PPIF: variants seen among roughly 807,000 people sequenced by gnomAD.
The protein encoded by PPIF is peptidyl-prolyl cis-trans isomerase F, mitochondrial.
PPIF carries 23 observed loss-of-function variants against 20.2 expected under a neutral mutation model. That is an observed-to-expected ratio of 1.14 (90% CI 0.82 to 1.61). PPIF has a LOEUF of 1.61. PPIF is among the 40% of genes most tolerant of loss of function. The pLI, the probability that PPIF is intolerant of heterozygous loss-of-function variation, is 0.00. For missense variants in PPIF, 287 were observed against 291.6 expected (o/e 0.98, Z 0.11); for synonymous variants, 113 against 123.1 (o/e 0.92, Z 0.54).
intron 3 of PPIF, 26 bp downstream of exon 3, chr10:79,349,779 G>A (rs2233720): frequency 1.1e-5 from 18 of 1,613,540 alleles, no homozygotes; most frequent in Non-Finnish European, 1.5e-5. Context: ...CTTCTGTAAG[G>A]GGGGATGAGA....
intron 1 of PPIF, among the ~76,000 whole-genome samples, 200 bp downstream of exon 1, chr10:79,347,943 A>G (rs1246891974): frequency 6.6e-6 from 1 of 151,734 alleles, no homozygotes; most frequent in Non-Finnish European, 1.5e-5. Context: ...AGCGGGGGAG[A>G]CGGGAGGGAG....
Position 79,353,773 on chromosome 10 carries a change from A to C in PPIF, c.555A>C (p.Glu185Asp). The C allele has an allele frequency of 6.2e-7, 1 of 1,614,246 alleles. No individual in the cohort carries two copies. Among genetic ancestry groups the C allele is most frequent in the Non-Finnish European group, 8.5e-7 (1 of 1,180,048 alleles). The change falls in exon 6 of 6, where the codon GAA becomes GAC. Residue 185 changes from glutamate (E) to aspartate (D), a missense_variant. Glu to Asp is a conservative substitution (Grantham distance 45). Transcript: ENST00000225174. ...GCATGGACGTCGTGAAGAAAATAGA[A>C]TCTTTCGGCTCTAAGAGTGGGAGGA... is the stretch of plus-strand genomic sequence containing the variant. ...KEGMDVVKKIESFGSKSGRTS... is the reference protein window; with the variant it reads ...KEGMDVVKKIDSFGSKSGRTS...
At chr10:79,350,950 T>C (rs1419146026) in intron 3 of PPIF, among the ~76,000 whole-genome samples, 2 of 152,226 alleles carry the variant, frequency 1.3e-5, no homozygotes, top group Non-Finnish European at 2.9e-5. Context: ...TGCCTGGGCC[T>C]TAGCTGAGGC....
rs1447987706 is a variant in PPIF, at chr10:79,353,937, G to A, written c.*95G>A. 18 of 1,339,500 alleles carry A rather than the reference G, an allele frequency of 1.3e-5. 1 individual carries two copies. In the Admixed American group the frequency reaches 2.0e-4, roughly 15 times the overall value. 83.0% of individuals were successfully genotyped at this position (1,339,500 alleles called of 1,614,324 possible). A position where few individuals can be genotyped will look rare whatever the true frequency, so the allele number is the denominator to read the frequency against. On this transcript the variant is annotated 3_prime_UTR_variant, in exon 6 of 6. Coordinates refer to ENST00000225174, the MANE Select transcript of PPIF (RefSeq NM_005729.4). ...TCAGCCAAGGTGCCTGAAACGATAC[G>A]TGTGCCCACTCCACTGTCACAGTGT...
chr10:79,353,631 A>T, intron 5 of PPIF, 76 bp from the exon 6 acceptor site: 1 of 1,609,776 alleles, frequency 6.2e-7, no homozygotes, highest in South Asian at 1.1e-5. Context: ...TTCGGTAACT[A>T]ATTCCATGAC....
chr10:79,353,028 C>G (rs1589647542), intron 5 of PPIF, among the ~76,000 whole-genome samples: 2 of 152,360 alleles, frequency 1.3e-5, no homozygotes, highest in East Asian at 3.9e-4. Flanking sequence ...TGGCTGGGAG[C>G]TGACTTGGTA....
At chr10:79,350,561 C>T (rs997266914) in intron 3 of PPIF, among the ~76,000 whole-genome samples, 2 of 152,188 alleles carry the variant, frequency 1.3e-5, no homozygotes, top group Non-Finnish European at 2.9e-5. Flanking sequence ...CGTCTATGTG[C>T]GGCGAAGCCT....
chr10:79,351,318 T>G (rs1376940731), intron 3 of PPIF, among the ~76,000 whole-genome samples, 169 bp from the exon 4 acceptor site: 1 of 151,950 alleles, frequency 6.6e-6, no homozygotes, highest in Non-Finnish European at 1.5e-5. Flanking sequence ...TTTTTTTTTT[T>G]GCTTATTATT....
chr10:79,348,923 C>T (rs1855938617), intron 1 of PPIF, among the ~76,000 whole-genome samples, 153 bp from the exon 2 acceptor site: 1 of 152,240 alleles, frequency 6.6e-6, no homozygotes, highest in Non-Finnish European at 1.5e-5. Context: ...AGAGCTGCCT[C>T]CCATGGGGGT....
intron 5 of PPIF, 97 bp from the exon 6 acceptor site, chr10:79,353,610 G>A: frequency 6.3e-7 from 1 of 1,598,374 alleles, no homozygotes; most frequent in Non-Finnish European, 8.6e-7. Flanking sequence ...ATTCTTTTCA[G>A]AATTGCTGTT....
chr10:79,349,257 C>A (rs749525482), intron 2 of PPIF, 151 bp downstream of exon 2: 7 of 1,555,534 alleles, frequency 4.5e-6, no homozygotes, highest in Middle Eastern at 2.1e-4. Context: ...TGCTCTGGGG[C>A]AGCCCTGCCA....
At chr10:79,349,909 C>A in intron 3 of PPIF, 156 bp downstream of exon 3, 3 of 1,443,604 alleles carry the variant, frequency 2.1e-6, no homozygotes, top group Non-Finnish European at 2.8e-6. Context: ...ATCCAGGCTT[C>A]ACTGCACATG....
At chr10:79,351,427 C>T (rs1855980773) in intron 3 of PPIF, 60 bp from the exon 4 acceptor site, 3 of 1,562,544 alleles carry the variant, frequency 1.9e-6, no homozygotes, top group Admixed American at 1.7e-5. Flanking sequence ...CTGCCAGCGC[C>T]AGGGCCGTGG....
chr10:79,353,993 C>A lies in PPIF; in HGVS notation c.*151C>A. 1.1e-6 allele frequency: 1 copy of A among 875,732 alleles called. No individual in the cohort carries two copies. Among genetic ancestry groups the A allele is most frequent in the Non-Finnish European group, 1.7e-6 (1 of 574,588 alleles). 54.2% of individuals were successfully genotyped at this position (875,732 alleles called of 1,614,324 possible). On this transcript the variant is annotated 3_prime_UTR_variant, in exon 6 of 6. Coordinates refer to ENST00000225174, the MANE Select transcript of PPIF (RefSeq NM_005729.4). ...AGGAAGGCTGCTAGGGATGTTAGAC[C>A]TCGGCCAGGACCCACCACATTGCTT... is the stretch of plus-strand genomic sequence containing the variant.
At position 79,353,706 on chromosome 10, in the gene PPIF, G is replaced by T. The variant is rs1294555824; in HGVS notation, c.489-1G>T. On this transcript the variant is annotated splice_acceptor_variant, in intron 5 of 5. Transcript: ENST00000225174. LOFTEE classifies it high-confidence loss of function. ...CTCACCCGGGTCACCCGTCCTCACA[G>T]GTTGGATGGCAAGCATGTTGTGTTC... is the stretch of plus-strand genomic sequence containing the variant. 1.2e-6 allele frequency: 2 copies of T among 1,614,146 alleles called. No homozygotes were observed. The highest frequency in any genetic ancestry group is 1.7e-6 in the Non-Finnish European group (2 of 1,180,056).
rs7332 is a variant in PPIF, at chr10:79,354,304, G to A, written c.*462G>A. The A allele has an allele frequency of 0.6, 100,082 of 166,714 alleles. 32,157 individuals carry two copies. The highest frequency in any genetic ancestry group is 0.83 in the African/African-American group (34,847 of 41,762). 10.3% of individuals were successfully genotyped at this position (166,714 alleles called of 1,614,324 possible). A position where few individuals can be genotyped will look rare whatever the true frequency, so the allele number is the denominator to read the frequency against. ...GTGAAACTGCAACACTAACTTCCCC[G>A]TGCTGTGGTGTGACCTGAGTTGGTG... is the stretch of plus-strand genomic sequence containing the variant. On this transcript the variant is annotated 3_prime_UTR_variant, in exon 6 of 6. Transcript: ENST00000225174.
At chr10:79,352,624 C>T (rs1855998391) in intron 5 of PPIF, among the ~76,000 whole-genome samples, 1 of 152,198 alleles carries the variant, frequency 6.6e-6, no homozygotes, top group African/African-American at 2.4e-5. Context: ...GTTGCTGTCA[C>T]CTGGAATTTT....
intron 4 of PPIF, among the ~76,000 whole-genome samples, chr10:79,351,961 G>C (rs886559641): frequency 1.3e-5 from 2 of 152,200 alleles, no homozygotes; most frequent in Non-Finnish European, 2.9e-5. Context: ...AAAGCAAATG[G>C]TTTGGAAGCC....
rs1452785959 is a variant in PPIF at position 79,347,569 on chromosome 10, C to G, written c.21C>G (p.Gly7=). 1.1e-5 allele frequency: 15 copies of G among 1,359,402 alleles called. No homozygotes were observed. The highest frequency in any genetic ancestry group is 6.8e-5 in the Admixed American group (2 of 29,304). 84.2% of individuals were successfully genotyped at this position (1,359,402 alleles called of 1,614,324 possible). A position where few individuals can be genotyped will look rare whatever the true frequency, so the allele number is the denominator to read the frequency against. The change falls in exon 1 of 6, where the codon GGC becomes GGG. Residue 7 remains glycine (G), a synonymous_variant. Transcript: ENST00000225174. Reference sequence around the variant, plus strand: ...CCGCGATGCTGGCGCTGCGCTGCGGCTCCCGCTGGCTCGGCCTGCTCTCCG... The same window carrying G: ...CCGCGATGCTGGCGCTGCGCTGCGGGTCCCGCTGGCTCGGCCTGCTCTCCG... MLALRC[G]SRWLGLLSVP... is the part of the protein sequence containing the mutation.
Sources: allele counts gnomAD v4.1 joint callset (sites outside exome capture counted in the v4.1 genomes callset), GRCh38; gene constraint gnomAD v4.1.1; transcripts MANE v1.5; gene names NCBI Gene and HGNC (gene_info 2026-07-23, HGNC 2026-07-21).